The following ABHD2 variants were observed in gnomAD, a reference collection of about 807,000 sequenced individuals.
ABHD2 encodes monoacylglycerol lipase ABHD2.
ABHD2 carries 20 observed loss-of-function variants against 48.1 expected under a neutral mutation model. That is an observed-to-expected ratio of 0.42 (90% CI 0.29 to 0.60). The LOEUF (loss-of-function observed/expected upper bound fraction) is 0.60, where lower values mean the gene tolerates loss of function less well. Ranked by LOEUF, ABHD2 falls within the 20% of genes least tolerant of loss-of-function variation. ABHD2 has a pLI of 0.24. For missense variants in ABHD2, 405 were observed against 550.9 expected (o/e 0.74, Z 2.65); for synonymous variants, 209 against 214.2 (o/e 0.98, Z 0.21).
rs146192532 is a variant in ABHD2 at position 89,152,378 on chromosome 15, C to T, written c.370+526C>T. On this transcript the variant is annotated intron_variant, in intron 4 of 10. Transcript: ENST00000352732. The stretch of plus-strand genomic sequence containing the variant: ...ACAGGCGTGAGCCACCGCCCCCAGC[C>T]GTAGAATAGGTTTTAATCCTGTTGT... 3.8e-3 allele frequency among the ~76,000 whole-genome samples: 573 copies of T among 152,260 alleles called. 6 individuals are homozygous for T. Among genetic ancestry groups the T allele is most frequent in the African/African-American group, 0.013 (540 of 41,538 alleles).
rs925342762 is a variant in ABHD2, at chr15:89,164,969, A to G, written c.538+9435A>G. On this transcript the variant is annotated intron_variant, in intron 5 of 10. Coordinates refer to ENST00000352732, the MANE Select transcript of ABHD2 (RefSeq NM_152924.5). This position sits in a 1 kb window ranked among gnomAD's most constrained non-coding sequence, Gnocchi z 5.0. ...CCTTACCTCTGCATCCAGTTCATAC[A>G]GTTGACCTCATGTGAACTTTGGAAT... Among the ~76,000 whole-genome samples, 3 of 152,354 alleles carry G rather than the reference A, an allele frequency of 2.0e-5. No homozygotes were observed. Among genetic ancestry groups the G allele is most frequent in the Admixed American group, 6.5e-5 (1 of 15,308 alleles).
Position 89,196,776 on chromosome 15 carries a change from A to G in ABHD2, c.*1353A>G, listed in dbSNP as rs186760778. The G allele has an allele frequency of 6.5e-6, 1 of 152,692 alleles. No homozygotes were observed. The highest frequency in any genetic ancestry group is 1.9e-4 in the East Asian group (1 of 5,184). The allele number at this position is 152,692 out of a possible 1,614,324, so 9.5% of individuals were successfully genotyped here. A position where few individuals can be genotyped will look rare whatever the true frequency, so the allele number is the denominator to read the frequency against. On this transcript the variant is annotated 3_prime_UTR_variant, in exon 11 of 11. Coordinates refer to ENST00000352732, the MANE Select transcript of ABHD2 (RefSeq NM_152924.5). ...AACCAGATTTTTAATTTAATAGCCT[A>G]TATTTGTAGTCTGTTGGATAGGTGT...
At chr15:89,055,573 G>C in the ABHD2 span, among the ~76,000 whole-genome samples, 1 of 152,018 alleles carries the variant, frequency 6.6e-6, no homozygotes, top group Non-Finnish European at 1.5e-5. Flanking sequence ...GACCACAAGC[G>C]ATCCGCTGGC....
chr15:89,135,482 A>G, intron 3 of ABHD2: 1 of 807,228 alleles, frequency 1.2e-6, no homozygotes, highest in East Asian at 2.5e-5. Context: ...CTTTAAAAGG[A>G]GTGAGTTATG....
the ABHD2 span, among the ~76,000 whole-genome samples, chr15:89,051,164 C>T: frequency 1.4e-4 from 22 of 152,186 alleles, no homozygotes; most frequent in African/African-American, 4.1e-4. Context: ...ACCCAGGAGG[C>T]GGAGGTTGCA....
Position 89,151,851 on chromosome 15 carries a change from A to G in ABHD2, c.369A>G (p.Gly123=). 1 of 1,613,772 alleles carries G rather than the reference A, an allele frequency of 6.2e-7. No homozygotes were observed. The highest frequency in any genetic ancestry group is 8.5e-7 in the Non-Finnish European group (1 of 1,179,814). Residue 123 remains glycine (G), a splice_region_variant and synonymous_variant, in exon 4 of 11, where the codon GGA becomes GGG. Transcript: ENST00000352732. The surrounding 1 kb of genome is among the most constrained non-coding windows in gnomAD (Gnocchi z 4.7). ...AGCCCTTGGCTGAGCACTGTGTTGG[A>G]GGTGAGCTGCTTTAGATTGTGTGAT... ...LFEPLAEHCV[G]DDITMVICPG...
chr15:89,069,637 A>G, the ABHD2 span, among the ~76,000 whole-genome samples: 1 of 146,454 alleles, frequency 6.8e-6, no homozygotes, highest in African/African-American at 2.5e-5. Flanking sequence ...AAATGGAATC[A>G]CACAGAAGCA....
At position 89,164,921 on chromosome 15, in the gene ABHD2, C is replaced by T. The variant is rs912376354; in HGVS notation, c.538+9387C>T. The stretch of plus-strand genomic sequence containing the variant: ...GCCACCTTAGAGGAGAAAAGGTAAA[C>T]ATTTACTTGAACTGTTAAATGACCT... On this transcript the variant is annotated intron_variant, in intron 5 of 10. Transcript: ENST00000352732. This position sits in a 1 kb window ranked among gnomAD's most constrained non-coding sequence, Gnocchi z 5.0. Among the ~76,000 whole-genome samples, 14 of 152,220 alleles carry T rather than the reference C, an allele frequency of 9.2e-5. No individual in the cohort carries two copies. The highest frequency in any genetic ancestry group is 2.9e-4 in the African/African-American group (12 of 41,450).
intron 9 of ABHD2, 97 bp from the exon 10 acceptor site, chr15:89,193,138 C>A: frequency 8.3e-7 from 1 of 1,210,434 alleles, no homozygotes; most frequent in Middle Eastern, 1.9e-4. Flanking sequence ...CTTCCCTTTG[C>A]TTCAAAAACA....
the ABHD2 span, among the ~76,000 whole-genome samples, chr15:89,045,981 C>G: frequency 2.0e-5 from 3 of 152,202 alleles, no homozygotes; most frequent in African/African-American, 7.2e-5. Context: ...TGCCAGTTTT[C>G]AAAGGAAATG....
chr15:89,154,533 C>T (rs1190997278), intron 4 of ABHD2, among the ~76,000 whole-genome samples: 1 of 152,212 alleles, frequency 6.6e-6, no homozygotes, highest in Non-Finnish European at 1.5e-5. Context: ...TACCCCTGCT[C>T]AGTGGTACCC....
chr15:89,103,098 T>G (rs992720702), intron 1 of ABHD2, among the ~76,000 whole-genome samples: 2 of 152,238 alleles, frequency 1.3e-5, no homozygotes, highest in Non-Finnish European at 2.9e-5. Flanking sequence ...CCCAGAGGGC[T>G]TCCTTTCGAG....
the ABHD2 span, among the ~76,000 whole-genome samples, chr15:89,076,614 G>A: frequency 1.3e-4 from 20 of 152,092 alleles, no homozygotes. Context: ...CTCCCAAGTA[G>A]CTGGGACTAC....
the ABHD2 span, among the ~76,000 whole-genome samples, chr15:89,062,367 G>T: frequency 2.0e-4 from 31 of 151,604 alleles, no homozygotes; most frequent in Non-Finnish European, 4.1e-4. Context: ...TGTGTGGGGG[G>T]GTGGGTTTTT....
upstream of ABHD2, among the ~76,000 whole-genome samples, chr15:89,085,244 G>A (rs1038614850): frequency 4.6e-5 from 7 of 151,826 alleles, no homozygotes; most frequent in Non-Finnish European, 8.8e-5. This position sits in a 1 kb window ranked among gnomAD's most constrained non-coding sequence, Gnocchi z 4.2. Context: ...TTATTACAAG[G>A]TACTGTCACG....
intron 5 of ABHD2, among the ~76,000 whole-genome samples, chr15:89,163,159 A>G (rs184106267): frequency 6.6e-6 from 1 of 152,280 alleles, no homozygotes. Flanking sequence ...ATGAAACTCT[A>G]TATTCTTCTT....
chr15:89,045,497 G>A, the ABHD2 span, among the ~76,000 whole-genome samples: 1 of 152,164 alleles, frequency 6.6e-6, no homozygotes, highest in African/African-American at 2.4e-5. Flanking sequence ...GGGCAGTATG[G>A]CCATTTTCAC....
the ABHD2 span, among the ~76,000 whole-genome samples, chr15:89,065,183 T>A: frequency 6.6e-6 from 1 of 152,130 alleles, no homozygotes; most frequent in African/African-American, 2.4e-5. Context: ...CCATCATTGG[T>A]GTGATTCTCC....
rs2051442728 is a variant in ABHD2, at chr15:89,199,198, A to G, written c.*3775A>G. The G allele has an allele frequency of 6.6e-6, 1 of 152,004 alleles. No homozygotes were observed. Among genetic ancestry groups the G allele is most frequent in the African/African-American group, 2.4e-5 (1 of 41,358 alleles). 9.4% of individuals were successfully genotyped at this position (152,004 alleles called of 1,614,324 possible). On this transcript the variant is annotated 3_prime_UTR_variant, in exon 11 of 11. Transcript: ENST00000352732. This position sits in a 1 kb window ranked among gnomAD's most constrained non-coding sequence, Gnocchi z 4.1. The stretch of plus-strand genomic sequence containing the variant: ...CTAGTTTGCCAGCTCCTGGGAAACA[A>G]TACATGTGTTCTTGTTTGTGTTTGC...
Sources: gnomAD v4.1 joint callset for allele counts (sites outside exome capture counted in the v4.1 genomes callset) on GRCh38, gnomAD v4.1.1 for gene constraint, Gnocchi (gnomAD v3.1) non-coding constraint, MANE v1.5 for transcripts, NCBI Gene and HGNC (gene_info 2026-07-23, HGNC 2026-07-21) for gene names.